BCCIP: variants seen among roughly 807,000 people sequenced by gnomAD.
The protein encoded by BCCIP is BRCA2 and CDKN1A interacting protein, also known as BRCA2 and CDKN1A-interacting protein.
BCCIP carries 23 observed loss-of-function variants against 32.8 expected under a neutral mutation model. The observed-to-expected ratio is 0.70, with a 90% confidence interval of 0.51 to 0.99. The LOEUF (loss-of-function observed/expected upper bound fraction) is 0.99, where lower values mean the gene tolerates loss of function less well. Ranked by LOEUF, BCCIP falls within the 50% of genes least tolerant of loss-of-function variation. The pLI is 0.00. For synonymous variants in BCCIP, 144 were observed against 137.6 expected, an observed-to-expected ratio of 1.05 and a Z score of -0.33; for missense variants, 378 against 379.8, an observed-to-expected ratio of 1.00 and a Z score of 0.04.
chr10:125,840,777 T>A, downstream of BCCIP: 3 of 1,461,760 alleles, frequency 2.1e-6, no homozygotes, highest in Non-Finnish European at 2.7e-6. Context: ...GATGAATAAC[T>A]AATAAGGACT....
chr10:125,837,203 A>G (rs978563251), downstream of BCCIP, among the ~76,000 whole-genome samples: 19 of 152,074 alleles, frequency 1.2e-4, no homozygotes, highest in Admixed American at 4.6e-4. Flanking sequence ...TAGGGGAGAG[A>G]GGGGGTATCT....
intron 7 of BCCIP, chr10:125,852,506 A>G: frequency 5.0e-6 from 8 of 1,613,214 alleles, no homozygotes; most frequent in Non-Finnish European, 6.8e-6. Flanking sequence ...TGCATACAAG[A>G]ATTGACAACA....
rs113687131 is a variant in BCCIP at position 125,828,775 on chromosome 10, A to G, written c.321+1137A>G. ...TGGATCTACAGTTTGGACAGAGCTC[A>G]GTGGGCACAACTCATCTGTGCTCCT... On this transcript the variant is annotated intron_variant, in intron 3 of 6. Coordinates refer to ENST00000278100, the MANE Select transcript of BCCIP (RefSeq NM_078468.3). Among the ~76,000 whole-genome samples, 723 of 152,330 alleles carry G rather than the reference A, an allele frequency of 4.7e-3. 8 individuals are homozygous for G. Among genetic ancestry groups the G allele is most frequent in the African/African-American group, 0.016 (657 of 41,568 alleles).
intron 5 of BCCIP, among the ~76,000 whole-genome samples, chr10:125,832,592 T>C (rs1326054939): frequency 2.0e-5 from 3 of 151,980 alleles, no homozygotes; most frequent in Non-Finnish European, 4.4e-5. Flanking sequence ...CTCACATTTA[T>C]TTGGTTTTAT....
At chr10:125,835,782 ATT>A (rs1343690863) in intron 6 of BCCIP, among the ~76,000 whole-genome samples, 5 of 152,286 alleles carry the variant, frequency 3.3e-5, no homozygotes, top group African/African-American at 1.2e-4. Context: ...TAAATATCAA[ATT>A]TTACAAGTCT....
Position 125,826,706 on chromosome 10 carries a change from A to G in BCCIP, c.240+41A>G, listed in dbSNP as rs141299207. On this transcript the variant is annotated intron_variant, in intron 2 of 6. Coordinates refer to ENST00000278100, the MANE Select transcript of BCCIP (RefSeq NM_078468.3). ...TATTATGCATAAATTTCCTCTTCTA[A>G]GAAAAATCAGGGGCCGGGTGCAGTG... The G allele has an allele frequency of 2.3e-4, 371 of 1,606,816 alleles. 1 individual carries two copies. The African/African-American group carries it at 4.3e-3, about 19-fold the overall frequency.
At chr10:125,853,464 G>A in exon 8 of BCCIP, 1 of 270,522 alleles carries the variant, frequency 3.7e-6, no homozygotes, top group Non-Finnish European at 6.8e-6. Flanking sequence ...TGATTAGGAT[G>A]AAAATTTTAT....
chr10:125,824,953 A>G (rs1221765937), intron 1 of BCCIP, among the ~76,000 whole-genome samples: 3 of 152,280 alleles, frequency 2.0e-5, no homozygotes, highest in Non-Finnish European at 4.4e-5. Flanking sequence ...GGAGAGAAGC[A>G]TGGATGCAGG....
intron 3 of BCCIP, among the ~76,000 whole-genome samples, chr10:125,829,969 G>A (rs11244667): frequency 0.48 from 72,872 of 151,910 alleles, 17,865 homozygotes; most frequent in African/African-American, 0.55. Context: ...CATAGTGTTC[G>A]GTGGAGCCAG....
intron 5 of BCCIP, 114 bp downstream of exon 5, chr10:125,831,721 T>A: frequency 9.5e-7 from 1 of 1,048,740 alleles, no homozygotes; most frequent in Non-Finnish European, 1.4e-6. Context: ...TTGGTTTAAG[T>A]GGGTTTAGTG....
rs2134044346 is a variant in BCCIP, at chr10:125,852,250, A to T, written c.851-875A>T. 3 of 1,602,018 alleles carry T rather than the reference A, an allele frequency of 1.9e-6. No individual in the cohort carries two copies. In the South Asian group the frequency reaches 3.3e-5, roughly 18 times the overall value. ...GACAGAGAATGGGCAGGAGAAGGTGAATCTCAGCCTAATGCCTGGCTGACA... is the reference window on the plus strand; with the variant it reads ...GACAGAGAATGGGCAGGAGAAGGTGTATCTCAGCCTAATGCCTGGCTGACA... On this transcript the variant is annotated intron_variant, in intron 7 of 7. Coordinates refer to the BCCIP transcript ENST00000368759.
intron 2 of BCCIP, 42 bp from the exon 3 acceptor site, chr10:125,827,516 A>T: frequency 7.7e-7 from 1 of 1,301,202 alleles, no homozygotes; most frequent in Non-Finnish European, 1.1e-6. Flanking sequence ...ATTAGAAATC[A>T]TGCTTTGATC....
intron 5 of BCCIP, among the ~76,000 whole-genome samples, chr10:125,832,374 T>A (rs537140163): frequency 6.6e-6 from 1 of 152,124 alleles, no homozygotes; most frequent in Admixed American, 6.5e-5. Flanking sequence ...TTCTCAGAGG[T>A]CATAGCCCTT....
chr10:125,849,274 T>C (rs1223371659), intron 7 of BCCIP, among the ~76,000 whole-genome samples: 3 of 152,290 alleles, frequency 2.0e-5, no homozygotes, highest in South Asian at 2.1e-4. Flanking sequence ...CAAAAACATA[T>C]CAACTTAAAT....
chr10:125,838,277 C>T, downstream of BCCIP: 1 of 1,613,606 alleles, frequency 6.2e-7, no homozygotes, highest in Non-Finnish European at 8.5e-7. Context: ...GGAAGAGGAC[C>T]CACTCTGGCA....
intron 7 of BCCIP, chr10:125,852,724 G>A (rs574680190): frequency 8.7e-5 from 110 of 1,257,632 alleles, no homozygotes; most frequent in South Asian, 3.9e-4. Context: ...AATATGCTGC[G>A]CAGTACTTTA....
At chr10:125,848,542 C>G (rs1423574430) in intron 7 of BCCIP, among the ~76,000 whole-genome samples, 1 of 152,196 alleles carries the variant, frequency 6.6e-6, no homozygotes, top group Non-Finnish European at 1.5e-5. Context: ...TTGAACCTGG[C>G]ACCTGGCATG....
At chr10:125,823,744 A>G (rs764622803) in intron 1 of BCCIP, 22 bp downstream of exon 1, 6 of 1,613,216 alleles carry the variant, frequency 3.7e-6, no homozygotes, top group Non-Finnish European at 5.1e-6. Context: ...ACGCTCCCCT[A>G]GTTGGTTTAT....
chr10:125,827,622 T>C lies in BCCIP; in HGVS notation c.305T>C (p.Ile102Thr). The change falls in exon 3 of 7, where the codon ATT (isoleucine) becomes ACT (threonine). Residue 102 changes from isoleucine (I) to threonine (T), a missense_variant. Ile to Thr is a moderately conservative substitution (Grantham distance 89). Coordinates refer to ENST00000278100, the MANE Select transcript of BCCIP (RefSeq NM_078468.3). ...LTDLLIQQNH[I>T]GSVIKQTDVS... The stretch of plus-strand genomic sequence containing the variant: ...GATCTCTTAATTCAACAGAACCATA[T>C]TGGGAGTGTGATTAAGGTAAGTAGG... The C allele has an allele frequency of 1.2e-6, 2 of 1,609,878 alleles. No individual in the cohort carries two copies. Among genetic ancestry groups the C allele is most frequent in the Non-Finnish European group, 1.7e-6 (2 of 1,176,216 alleles).
Sources: allele counts gnomAD v4.1 joint callset (sites outside exome capture counted in the v4.1 genomes callset), GRCh38; gene constraint gnomAD v4.1.1; transcripts MANE v1.5; gene names NCBI Gene and HGNC (gene_info 2026-07-23, HGNC 2026-07-21).